Variants in SSBP3 observed in about 807,000 individuals in gnomAD.
The protein encoded by SSBP3 is single stranded DNA binding protein 3, also known as single-stranded DNA-binding protein 3.
Under a neutral mutation model 69.6 loss-of-function variants are expected in SSBP3, and 5 were observed. The observed-to-expected ratio is 0.07, with a 90% CI of 0.04 to 0.15. SSBP3 has a LOEUF of 0.15. Ranked by LOEUF, SSBP3 falls within the 10% of genes least tolerant of loss-of-function variation. The pLI is 1.00. For missense variants in SSBP3, 312 were observed against 534.0 expected, an observed-to-expected ratio of 0.58 and a Z score of 4.10; for synonymous variants, 196 against 193.4, an observed-to-expected ratio of 1.01 and a Z score of -0.11.
chr1:54,302,132 C>T (rs536777464), intron 4 of SSBP3, among the ~76,000 whole-genome samples: 1 of 152,320 alleles, frequency 6.6e-6, no homozygotes, highest in African/African-American at 2.4e-5. Flanking sequence ...GCAAGGACAC[C>T]TTCATTCTGT....
chr1:54,375,416 CAG>C (rs1204158004), intron 4 of SSBP3, among the ~76,000 whole-genome samples: 1 of 152,114 alleles, frequency 6.6e-6, no homozygotes, highest in Non-Finnish European at 1.5e-5. Context: ...TGGGGTCTGC[CAG>C]AGGACTCTGC....
At chr1:54,395,235 C>T (rs1648781701) in intron 4 of SSBP3, among the ~76,000 whole-genome samples, 1 of 152,224 alleles carries the variant, frequency 6.6e-6, no homozygotes, top group Non-Finnish European at 1.5e-5. Flanking sequence ...TTCCATGCCT[C>T]TCTCAAGGCC....
intron 4 of SSBP3, among the ~76,000 whole-genome samples, chr1:54,338,924 G>A (rs1405264475): frequency 6.6e-6 from 1 of 152,202 alleles, no homozygotes; most frequent in Non-Finnish European, 1.5e-5. Flanking sequence ...TGACGACGGT[G>A]CAAGAAATCC....
intron 4 of SSBP3, among the ~76,000 whole-genome samples, chr1:54,400,767 C>T (rs947320028): frequency 6.6e-6 from 1 of 152,216 alleles, no homozygotes; most frequent in African/African-American, 2.4e-5. Flanking sequence ...ACCATGAAGA[C>T]ATTGGTGATC....
chr1:54,398,379 A>G (rs372954683), intron 4 of SSBP3, among the ~76,000 whole-genome samples: 1 of 152,124 alleles, frequency 6.6e-6, no homozygotes, highest in African/African-American at 2.4e-5. Flanking sequence ...TCCAAATTCC[A>G]CTCATTTCTT....
At chr1:54,405,049 C>T (rs1329826362) in intron 1 of SSBP3, 119 bp from the exon 2 acceptor site, 1 of 892,730 alleles carries the variant, frequency 1.1e-6, no homozygotes, top group Non-Finnish European at 1.8e-6. Context: ...GTGGCCCCGA[C>T]CAGAGGTAAG....
intron 4 of SSBP3, among the ~76,000 whole-genome samples, chr1:54,344,189 C>T (rs1646653260): frequency 6.6e-6 from 1 of 152,082 alleles, no homozygotes; most frequent in African/African-American, 2.4e-5. Context: ...AAAAGTCACA[C>T]CAAGACATGA....
At chr1:54,270,186 C>T (rs772206477) in intron 5 of SSBP3, among the ~76,000 whole-genome samples, 4 of 152,114 alleles carry the variant, frequency 2.6e-5, no homozygotes, top group African/African-American at 4.8e-5. Flanking sequence ...AGGTGGGGAA[C>T]GCAAACTCAA....
upstream of SSBP3, among the ~76,000 whole-genome samples, chr1:54,407,566 C>T (rs1649863563): frequency 6.6e-6 from 1 of 151,866 alleles, no homozygotes; most frequent in Non-Finnish European, 1.5e-5. Context: ...CAGATACCGG[C>T]GAAATAGGGG....
chr1:54,254,031 AG>A (rs1644877324), intron 7 of SSBP3, among the ~76,000 whole-genome samples: 3 of 152,192 alleles, frequency 2.0e-5, no homozygotes, highest in African/African-American at 7.2e-5. Context: ...CTCTTCTATC[AG>A]GGGAAGAAGG....
chr1:54,261,034 C>CA (rs1645009407), intron 5 of SSBP3, among the ~76,000 whole-genome samples: 1 of 152,232 alleles, frequency 6.6e-6, no homozygotes, highest in Non-Finnish European at 1.5e-5. Context: ...CCCAACGGGC[C>CA]ACCCACGTCC....
intron 7 of SSBP3, 29 bp downstream of exon 7, chr1:54,257,098 G>T (rs764459659): frequency 1.3e-6 from 2 of 1,591,424 alleles, no homozygotes; most frequent in South Asian, 2.3e-5. Context: ...GCTGAGGGAG[G>T]GGAGAGAGAA....
At chr1:54,228,847 A>G (rs781219614) in intron 14 of SSBP3, 21 bp from the exon 15 acceptor site, 7 of 1,608,294 alleles carry the variant, frequency 4.4e-6, no homozygotes, top group African/African-American at 1.3e-5. Flanking sequence ...AGCACAGGGC[A>G]TGGCAGCTCA....
exon 1 of SSBP3, chr1:54,406,323 C>T (rs887106266): frequency 1.0e-4 from 18 of 174,484 alleles, no homozygotes; most frequent in Admixed American, 5.8e-4. Flanking sequence ...CGCGCCCGCC[C>T]GGCTCCGCCT....
intron 4 of SSBP3, among the ~76,000 whole-genome samples, chr1:54,299,515 T>G (rs1182285056): frequency 1.4e-5 from 2 of 146,482 alleles, no homozygotes; most frequent in African/African-American, 2.6e-5. Flanking sequence ...TTTTTTTTTT[T>G]AATGCATTAC....
chr1:54,340,055 C>G (rs1269128109), intron 4 of SSBP3, among the ~76,000 whole-genome samples: 1 of 152,126 alleles, frequency 6.6e-6, no homozygotes, highest in Non-Finnish European at 1.5e-5. Flanking sequence ...TCTTAACACA[C>G]CTTTCTTCCC....
At chr1:54,365,035 C>T (rs377212309) in intron 4 of SSBP3, among the ~76,000 whole-genome samples, 27 of 152,148 alleles carry the variant, frequency 1.8e-4, no homozygotes, top group Non-Finnish European at 2.9e-4. Context: ...CAGGCCTGCA[C>T]AGAGGGGCAG....
chr1:54,282,389 C>T (rs1425598079), intron 4 of SSBP3, among the ~76,000 whole-genome samples: 2 of 152,232 alleles, frequency 1.3e-5, no homozygotes, highest in African/African-American at 4.8e-5. Flanking sequence ...GAGGGCAGAG[C>T]GTGTTCTTGG....
chr1:54,233,629 G>A (rs1644429095), intron 14 of SSBP3, among the ~76,000 whole-genome samples: 1 of 148,464 alleles, frequency 6.7e-6, no homozygotes. Flanking sequence ...CCGTCCGGGA[G>A]GTGAGGGGCG....
Sources: allele counts gnomAD v4.1 joint callset (sites outside exome capture counted in the v4.1 genomes callset), GRCh38; gene constraint gnomAD v4.1.1; transcripts MANE v1.5; gene names NCBI Gene and HGNC (gene_info 2026-07-23, HGNC 2026-07-21).